Variants in OBSL1 observed in about 807,000 individuals in gnomAD.
The protein encoded by OBSL1 is obscurin-like protein 1.
OBSL1 carries 160 observed loss-of-function variants against 172.0 expected under a neutral mutation model. The ratio of observed to expected loss-of-function variants is 0.93; its 90% CI spans 0.82 to 1.06. The LOEUF is 1.06. Ranked by LOEUF, OBSL1 falls within the 50% of genes least tolerant of loss-of-function variation. The pLI is 0.00. For synonymous variants in OBSL1, 1,200 were observed against 1,196.3 expected (o/e 1.00, Z -0.06); for missense variants, 2,681 against 2,715.4 (o/e 0.99, Z 0.28).
intron 8 of OBSL1, among the ~76,000 whole-genome samples, chr2:219,561,134 T>G (rs1346268600): frequency 1.3e-5 from 2 of 151,842 alleles, no homozygotes; most frequent in South Asian, 4.2e-4. Flanking sequence ...GTGTGTAGAG[T>G]GCATTAGCTG....
chr2:219,555,578 T>C, intron 14 of OBSL1: 1 of 967,488 alleles, frequency 1.0e-6, no homozygotes, highest in Non-Finnish European at 1.2e-6. Context: ...CTGCACCTGG[T>C]CTCAGCCCCA....
chr2:219,554,545 C>A lies in OBSL1; in HGVS notation c.4805G>T (p.Gly1602Val). ...HRHRLVLNGL[G>V]LADSGCVSFT... ...GGAGACACAGCCTGAGTCGGCCAGG[C>A]CCAGGCCATTGAGTACCAGTCGGTG... Residue 1602 changes from glycine (G) to valine (V), a missense_variant, in exon 15 of 21, where the codon GGC (glycine) becomes GTC (valine). Physicochemically the swap from Gly to Val is moderately radical, Grantham distance 109 (BLOSUM62 -3). Around this residue, in one of 5 missense-constraint regions of OBSL1, gnomAD observed 1,765 missense variants for 1,748.3 expected, o/e 1.01. Coordinates refer to ENST00000404537, the MANE Select transcript of OBSL1 (RefSeq NM_015311.3). 6.2e-7 allele frequency: 1 copy of A among 1,613,374 alleles called. No homozygotes were observed. Among genetic ancestry groups the A allele is most frequent in the Non-Finnish European group, 8.5e-7 (1 of 1,179,764 alleles).
chr2:219,556,603 C>G lies in OBSL1; in HGVS notation c.4187G>C (p.Gly1396Ala). 6.2e-7 allele frequency: 1 copy of G among 1,613,980 alleles called. No homozygotes were observed. The highest frequency in any genetic ancestry group is 8.5e-7 in the Non-Finnish European group (1 of 1,179,880). ...CTGGGGCCCTGGAGTGACGACGGCC[C>G]CATTGCGCAGCCAGGTGACATCGGC... ...PDADVTWLRN[G>A]AVVTPGPQVE... Residue 1396 changes from glycine to alanine, a missense_variant, in exon 13 of 21, where the codon GGG (glycine) becomes GCG (alanine). Transcript: ENST00000404537.
chr2:219,558,146 C>T (rs1335950146), intron 10 of OBSL1, 36 bp from the exon 11 acceptor site: 1 of 1,610,898 alleles, frequency 6.2e-7, no homozygotes, highest in East Asian at 2.2e-5. Context: ...CCATGCTTGC[C>T]CTTGCCTCCC....
downstream of OBSL1, chr2:219,547,677 T>G (rs763043921): frequency 2.8e-5 from 43 of 1,548,670 alleles, no homozygotes; most frequent in Non-Finnish European, 1.7e-6. Context: ...GCCATGCTAG[T>G]GCGCAGCGTG....
At chr2:219,548,702 A>G (rs1040736281), downstream of OBSL1, among the ~76,000 whole-genome samples, 1 of 152,200 alleles carries the variant, frequency 6.6e-6, no homozygotes, top group Non-Finnish European at 1.5e-5. Flanking sequence ...ACATTTTATT[A>G]GAAGGGCAAT....
chr2:219,563,421 AGG>A lies in OBSL1; in HGVS notation c.2612_2613del (p.Pro871LeufsTer13). The A allele has an allele frequency of 6.2e-7, 1 of 1,610,096 alleles. No individual in the cohort carries two copies. Among genetic ancestry groups the A allele is most frequent in the Non-Finnish European group, 8.5e-7 (1 of 1,177,650 alleles). Reference sequence around the variant, plus strand: ...ACGCACTGAAACTCGCCCCCGTCTGAGGGCTGGGTGGCGGGCAGCACCAGGCG... The same window carrying A: ...ACGCACTGAAACTCGCCCCCGTCTGAGCTGGGTGGCGGGCAGCACCAGGCG... ...HRRLVLPATQ[P>X]SDGGEFQCVA... On this transcript the variant is annotated frameshift_variant, in exon 7 of 21. Coordinates refer to ENST00000404537, the MANE Select transcript of OBSL1 (RefSeq NM_015311.3). LOFTEE classifies it high-confidence loss of function.
Position 219,562,653 on chromosome 2 carries a change from T to C in OBSL1, c.2702A>G (p.Tyr901Cys). 2 of 1,560,652 alleles carry C rather than the reference T, an allele frequency of 1.3e-6. No homozygotes were observed. The highest frequency in any genetic ancestry group is 1.7e-6 in the Non-Finnish European group (2 of 1,153,228). The change falls in exon 8 of 21, where the codon TAT (tyrosine) becomes TGT (cysteine). Residue 901 changes from tyrosine (Y) to cysteine (C), a missense_variant. Tyr to Cys is a radical substitution (Grantham distance 194). Coordinates refer to ENST00000404537, the MANE Select transcript of OBSL1 (RefSeq NM_015311.3). ...TGCCACATACACCTTGCCGCTGGGA[T>C]ACACGATCCACGAGGAGACGTCTGG... is the stretch of plus-strand genomic sequence containing the variant. The part of the protein sequence containing the change: ...TITDVSSWIV[Y>C]PSGKVYVAAV...
At position 219,557,461 on chromosome 2, in the gene OBSL1, C is replaced by T. The variant is rs767590428; in HGVS notation, c.3948G>A (p.Gln1316=). 5 of 1,548,504 alleles carry T rather than the reference C, an allele frequency of 3.2e-6. No individual in the cohort carries two copies. The East Asian group carries it at 7.3e-5, about 23-fold the overall frequency. Residue 1316 remains glutamine, a synonymous_variant, in exon 12 of 21, where the codon CAG becomes CAA. Coordinates refer to ENST00000404537, the MANE Select transcript of OBSL1 (RefSeq NM_015311.3). Reference sequence around the variant, plus strand: ...CCTGCCTGGCCCCGGCCTGCTCCAGCTGCACCCGCCCCTGGCTTGCCAGTC... The same window carrying T: ...CCTGCCTGGCCCCGGCCTGCTCCAGTTGCACCCGCCCCTGGCTTGCCAGTC... The part of the protein sequence containing the change: ...GERLASQGRV[Q]LEQAGARQVL...
chr2:219,557,825 G>A lies in OBSL1; in HGVS notation c.3788C>T (p.Ala1263Val). The A allele has an allele frequency of 2.5e-6, 4 of 1,596,688 alleles. No individual in the cohort carries two copies. Among genetic ancestry groups the A allele is most frequent in the Non-Finnish European group, 3.4e-6 (4 of 1,178,812 alleles). ...APSLSFTVQVAEPPVRVVAPE... is the reference protein window; with the variant it reads ...APSLSFTVQVVEPPVRVVAPE... ...CTTAATGCCCAGGCTGTACTCACCA[G>A]CCACCTGGACGGTGAAGCTGAGGCT... The change falls in exon 11 of 21, where the codon GCT becomes GTT. Residue 1263 changes from alanine (A) to valine (V), a missense_variant and splice_region_variant. By Grantham distance (64) the Ala-to-Val change is moderately conservative. Transcript: ENST00000404537.
Position 219,556,224 on chromosome 2 carries a change from C to CCTCT in OBSL1, c.4404_4405insAGAG (p.Glu1469ArgfsTer86). The CCTCT allele has an allele frequency of 6.2e-7, 1 of 1,608,782 alleles. No individual in the cohort carries two copies. The highest frequency in any genetic ancestry group is 8.5e-7 in the Non-Finnish European group (1 of 1,176,726). ...GCACCCACTCGGCCTGTCTCCACTTCGAGACACACATCCTGGCCTTCCTCT... is the reference window on the plus strand; with the variant it reads ...GCACCCACTCGGCCTGTCTCCACTTCCTCTGAGACACACATCCTGGCCTTCCTCT... On this transcript the variant is annotated frameshift_variant, in exon 14 of 21. Coordinates refer to ENST00000404537, the MANE Select transcript of OBSL1 (RefSeq NM_015311.3). LOFTEE classifies it high-confidence loss of function.
Position 219,551,757 on chromosome 2 carries a change from T to A in OBSL1, c.5455A>T (p.Thr1819Ser). 1 of 1,596,460 alleles carries A rather than the reference T, an allele frequency of 6.3e-7. No individual in the cohort carries two copies. The highest frequency in any genetic ancestry group is 8.6e-7 in the Non-Finnish European group (1 of 1,169,568). The change falls in exon 20 of 21, where the codon ACC (threonine) becomes TCC (serine). Residue 1819 changes from threonine to serine, a missense_variant. By Grantham distance (58) the Thr-to-Ser change is moderately conservative. This residue lies in a region of OBSL1 where 1,765 missense variants were observed against 1,748.3 expected (regional missense o/e 1.01). Transcript: ENST00000404537. ...ACCGCCCGGCGGCCCACCAGAACGG[T>A]CTTCTCGCGAGGGGGGTGGCGGCAC... is the stretch of plus-strand genomic sequence containing the variant. ...QMCRHPPREK[T>S]VLVGRRAVLE...
rs775429687 is a variant in OBSL1, at chr2:219,570,621, G to A, written c.612C>T (p.Ser204=). The stretch of plus-strand genomic sequence containing the variant: ...TGCGGGCGTGGCACACGTAGACGCC[G>A]GAATCCGGCAGCCGAGCCGCCAGGA... ...LRILAARLPD[S]GVYVCHARNA... Residue 204 remains serine (S), a synonymous_variant, in exon 1 of 21, where the codon TCC becomes TCT. Transcript: ENST00000404537. 2.0e-6 allele frequency: 3 copies of A among 1,510,696 alleles called. No homozygotes were observed. The South Asian group carries it at 3.7e-5, about 19-fold the overall frequency. 93.6% of individuals were successfully genotyped at this position (1,510,696 alleles called of 1,614,324 possible).
intron 7 of OBSL1, 34 bp downstream of exon 7, chr2:219,563,321 C>T (rs748176987): frequency 1.3e-5 from 20 of 1,527,560 alleles, no homozygotes; most frequent in Non-Finnish European, 1.8e-5. Context: ...GGGGCACCTT[C>T]CCCTGTGCCT....
Position 219,567,165 on chromosome 2 carries a change from G to A in OBSL1, c.1838-39C>T, listed in dbSNP as rs761929487. On this transcript the variant is annotated intron_variant, in intron 4 of 20. Transcript: ENST00000404537. ...AGAGTGCAGCTGTCAGAACTAGAAG[G>A]TGTGGCAGAGGGCAGAGGCTGGCGG... The A allele has an allele frequency of 6.9e-6, 11 of 1,598,918 alleles. No individual in the cohort carries two copies. In the Admixed American group the frequency reaches 1.9e-4, roughly 27 times the overall value.
chr2:219,552,596 GCC>G lies in OBSL1; in HGVS notation c.5246_5247del (p.Gly1749AlafsTer29), dbSNP rs771851567. 16 of 1,583,982 alleles carry G rather than the reference GCC, an allele frequency of 1.0e-5. No homozygotes were observed. The highest frequency in any genetic ancestry group is 1.4e-5 in the Non-Finnish European group (16 of 1,171,630). On this transcript the variant is annotated frameshift_variant, in exon 18 of 21. Coordinates refer to ENST00000404537, the MANE Select transcript of OBSL1 (RefSeq NM_015311.3). LOFTEE classifies it high-confidence loss of function. ...ECTVSEVETT[G>X]RWELGGRPLR... ...AGCGGGCGGCCTCCGAGCTCCCAGC[GCC>G]CCGTGGTCTCGACCTCCGACACGGT...
downstream of OBSL1, chr2:219,550,297 C>T (rs1695533995): frequency 1.1e-5 from 2 of 184,192 alleles, no homozygotes; most frequent in South Asian, 2.8e-4. Flanking sequence ...CATCGCCCTG[C>T]CTCGCAGCCA....
At position 219,559,502 on chromosome 2, in the gene OBSL1, A is replaced by G. The variant is rs1205529637; in HGVS notation, c.2954-5T>C. The G allele has an allele frequency of 5.0e-6, 8 of 1,603,982 alleles. No homozygotes were observed. Among genetic ancestry groups the G allele is most frequent in the East Asian group, 2.2e-5 (1 of 44,680 alleles). On this transcript the variant is annotated splice_region_variant and splice_polypyrimidine_tract_variant and intron_variant, in intron 8 of 20. Transcript: ENST00000404537. ...ATATGATCCGCACTGGGGGTTCTGC[A>G]GGGTGGGGACAACCACAGCCTGTCA... is the stretch of plus-strand genomic sequence containing the variant.
chr2:219,557,123 G>A (rs966405468), intron 12 of OBSL1: 2 of 507,902 alleles, frequency 3.9e-6, no homozygotes, highest in African/African-American at 1.9e-5. Flanking sequence ...CTGGCTGGGT[G>A]GACTCTAGAG....
Sources: allele counts gnomAD v4.1 joint callset (sites outside exome capture counted in the v4.1 genomes callset), GRCh38; gene constraint gnomAD v4.1.1; regional missense constraint gnomAD v4.1.1; transcripts MANE v1.5; gene names NCBI Gene and HGNC (gene_info 2026-07-23, HGNC 2026-07-21).